REEP5: variants seen among roughly 807,000 people sequenced by gnomAD.
REEP5 encodes receptor expression-enhancing protein 5.
A neutral mutation model predicts 22.4 loss-of-function variants in REEP5; 24 were observed. The observed-to-expected ratio is 1.07, with a 90% CI of 0.78 to 1.51. REEP5 has a LOEUF of 1.51. Ranked by LOEUF, REEP5 falls within the 40% of genes most tolerant of loss-of-function variation. The probability of loss-of-function intolerance (pLI) is 0.00; values close to 1 mark genes in which losing one functional copy is unlikely to be tolerated. For synonymous variants in REEP5, 103 were observed against 88.6 expected (o/e 1.16, Z -0.92); for missense variants, 252 against 233.0 (o/e 1.08, Z -0.53).
chr5:112,882,371 C>G (rs889623836), intron 4 of REEP5, among the ~76,000 whole-genome samples: 2 of 152,176 alleles, frequency 1.3e-5, no homozygotes, highest in African/African-American at 4.8e-5. Context: ...CAGAGTTCTT[C>G]CACCACCACT....
rs60109818 is a variant in REEP5, at chr5:112,877,981, C to CTGTGTGTGTGTGTGTGTGTGTG, written c.*783_*804dup. 1.4e-5 allele frequency: 2 copies of CTGTGTGTGTGTGTGTGTGTGTG among 147,530 alleles called. No homozygotes were observed. The highest frequency in any genetic ancestry group is 2.0e-4 in the East Asian group (1 of 4,996). The allele number at this position is 147,530 out of a possible 1,614,324, so 9.1% of individuals were successfully genotyped here. On this transcript the variant is annotated 3_prime_UTR_variant, in exon 5 of 5. Coordinates refer to ENST00000379638, the MANE Select transcript of REEP5 (RefSeq NM_005669.5). ...AGGGAATTGAGAGTTACAGGTTACT[C>CTGTGTGTGTGTGTGTGTGTGTG]TGTGTGTGTGTGTGTGTGTGTGTGT... is the stretch of plus-strand genomic sequence containing the variant.
Position 112,878,507 on chromosome 5 carries a change from A to C in REEP5, c.*279T>G. On this transcript the variant is annotated 3_prime_UTR_variant, in exon 5 of 5. Coordinates refer to ENST00000379638, the MANE Select transcript of REEP5 (RefSeq NM_005669.5). ...GGGTATATAATTTTATTTTAAGTTT[A>C]TATTTCCTGCAGGATAGCAACATAC... 2 of 420,112 alleles carry C rather than the reference A, an allele frequency of 4.8e-6. No homozygotes were observed. Among genetic ancestry groups the C allele is most frequent in the South Asian group, 1.0e-4 (2 of 19,288 alleles). The allele number at this position is 420,112 out of a possible 1,614,324, so 26.0% of individuals were successfully genotyped here.
At chr5:112,879,315 T>G in intron 4 of REEP5, among the ~76,000 whole-genome samples, 1 of 36,678 alleles carries the variant, frequency 2.7e-5, no homozygotes, top group South Asian at 1.3e-3. Flanking sequence ...CATCCCTTGA[T>G]ATATGTGTTT....
chr5:112,895,057 T>G (rs574825107), intron 3 of REEP5: 1 of 151,610 alleles, frequency 6.6e-6, no homozygotes, highest in Admixed American at 6.6e-5. Context: ...GCCAACATGG[T>G]GAAACCCTGT....
intron 2 of REEP5, among the ~76,000 whole-genome samples, chr5:112,912,891 T>C (rs1251933786): frequency 6.6e-6 from 1 of 152,172 alleles, no homozygotes; most frequent in Non-Finnish European, 1.5e-5. Context: ...TTTTTCTCCT[T>C]CATAGAAAAA....
chr5:112,900,514 C>T (rs549324787), intron 3 of REEP5, among the ~76,000 whole-genome samples: 14 of 152,190 alleles, frequency 9.2e-5, no homozygotes, highest in Non-Finnish European at 2.1e-4. Flanking sequence ...AAGGCAGTTA[C>T]TTCCCTACCC....
intron 2 of REEP5, among the ~76,000 whole-genome samples, chr5:112,906,828 C>A (rs1393615530): frequency 1.3e-5 from 2 of 152,210 alleles, no homozygotes; most frequent in Non-Finnish European, 2.9e-5. Flanking sequence ...GTCTTCACAG[C>A]ACCTGCCCTA....
At chr5:112,893,092 CTTAAA>C in intron 3 of REEP5, 2 of 426,704 alleles carry the variant, frequency 4.7e-6, no homozygotes, top group Non-Finnish European at 3.5e-6. Flanking sequence ...TAGTTTTGTT[CTTAAA>C]AAAAAAAAAA....
At chr5:112,907,690 G>C (rs749965942) in intron 2 of REEP5, among the ~76,000 whole-genome samples, 2 of 152,170 alleles carry the variant, frequency 1.3e-5, no homozygotes, top group Non-Finnish European at 2.9e-5. Context: ...AATTTAAAGA[G>C]AAAGGAGTTA....
Position 112,889,326 on chromosome 5 carries a change from AAAACC to A in REEP5, c.352-2148_352-2144del, listed in dbSNP as rs1454468789. ...TATGCTTAAGAAACATACCTACAACAAAACCAAATAGGAACACTGAAAATAAAGTT... is the reference window on the plus strand; with the variant it reads ...TATGCTTAAGAAACATACCTACAACAAAATAGGAACACTGAAAATAAAGTT... On this transcript the variant is annotated intron_variant, in intron 3 of 4. Transcript: ENST00000379638. Among the ~76,000 whole-genome samples the A allele has an allele frequency of 1.6e-4, 24 of 151,024 alleles. 1 individual carries two copies. Among genetic ancestry groups the A allele is most frequent in the African/African-American group, 5.2e-4 (21 of 40,718 alleles).
chr5:112,921,231 G>A lies in REEP5; in HGVS notation c.144C>T (p.Tyr48=), dbSNP rs1445696917. The A allele has an allele frequency of 1.2e-6, 2 of 1,614,026 alleles. No homozygotes were observed. The highest frequency in any genetic ancestry group is 8.5e-7 in the Non-Finnish European group (1 of 1,180,024). The part of the protein sequence containing the change: ...ALGVIGLVAL[Y]LVFGYGASLL... Reference sequence around the variant, plus strand: ...GAGAGGCTCCATAACCGAACACCAGGTACAAGGCCACCAGTCCGATGACAC... The same window carrying A: ...GAGAGGCTCCATAACCGAACACCAGATACAAGGCCACCAGTCCGATGACAC... Residue 48 remains tyrosine (Y), a synonymous_variant, in exon 2 of 5, where the codon TAC becomes TAT. Coordinates refer to ENST00000379638, the MANE Select transcript of REEP5 (RefSeq NM_005669.5).
At chr5:112,901,396 A>G (rs1580746572) in intron 3 of REEP5, among the ~76,000 whole-genome samples, 2 of 152,304 alleles carry the variant, frequency 1.3e-5, no homozygotes, top group East Asian at 3.9e-4. Context: ...GTAATCATGG[A>G]GTACAGTTGA....
chr5:112,909,286 T>C (rs1011261744), intron 2 of REEP5, among the ~76,000 whole-genome samples: 2 of 149,880 alleles, frequency 1.3e-5, no homozygotes, highest in Non-Finnish European at 3.0e-5. Context: ...AAGTAGTTAA[T>C]ATATGTAAAG....
chr5:112,892,900 G>A, intron 3 of REEP5: 1 of 1,610,466 alleles, frequency 6.2e-7, no homozygotes, highest in Non-Finnish European at 8.5e-7. Context: ...AAAGAGTCGG[G>A]AGAGGCACAA....
At chr5:112,882,317 C>T (rs1768104228) in intron 4 of REEP5, among the ~76,000 whole-genome samples, 1 of 152,070 alleles carries the variant, frequency 6.6e-6, no homozygotes, top group African/African-American at 2.4e-5. Flanking sequence ...TGCTTTTTTG[C>T]TCATTGTAGA....
Position 112,878,825 on chromosome 5 carries a change from A to G in REEP5, c.531T>C (p.Ala177=), listed in dbSNP as rs1277573482. Reference sequence around the variant, plus strand: ...TTTCTTCACCCAGTAAATTCACGGTAGCTTTCTTCGCTGTTTGTTTGTTAG... The same window carrying G: ...TTTCTTCACCCAGTAAATTCACGGTGGCTTTCTTCGCTGTTTGTTTGTTAG... ...ADAITKEAKK[A]TVNLLGEEKK... The change falls in exon 5 of 5, where the codon GCT becomes GCC. Residue 177 remains alanine (A), a synonymous_variant. Transcript: ENST00000379638. 3 of 1,614,010 alleles carry G rather than the reference A, an allele frequency of 1.9e-6. No homozygotes were observed. Among genetic ancestry groups the G allele is most frequent in the Non-Finnish European group, 2.5e-6 (3 of 1,180,018 alleles).
At chr5:112,906,778 ATAATGCAGAACTGTG>A (rs2150045608) in intron 2 of REEP5, among the ~76,000 whole-genome samples, 1 of 152,308 alleles carries the variant, frequency 6.6e-6, no homozygotes, top group South Asian at 2.1e-4. Flanking sequence ...GCAGGTGATC[ATAATGCAGAACTGTG>A]TTTGGAAACC....
At chr5:112,886,474 T>C (rs1561648001) in intron 4 of REEP5, among the ~76,000 whole-genome samples, 1 of 152,168 alleles carries the variant, frequency 6.6e-6, no homozygotes, top group Non-Finnish European at 1.5e-5. Context: ...TTGTCTCTAG[T>C]TTTAGGTCCT....
intron 3 of REEP5, chr5:112,891,985 T>A: frequency 8.0e-7 from 1 of 1,247,646 alleles, no homozygotes; most frequent in Non-Finnish European, 1.2e-6. Context: ...AAAGGAACAA[T>A]GGAAAGAACA....
Sources: gnomAD v4.1 joint callset for allele counts (sites outside exome capture counted in the v4.1 genomes callset) on GRCh38, gnomAD v4.1.1 for gene constraint, MANE v1.5 for transcripts, NCBI Gene and HGNC (gene_info 2026-07-23, HGNC 2026-07-21) for gene names.